Variants in ERC2 observed in about 807,000 individuals in gnomAD.
The protein encoded by ERC2 is ERC protein 2.
Under a neutral mutation model 114.8 loss-of-function variants are expected in ERC2, and 42 were observed. The ratio of observed to expected loss-of-function variants is 0.37; its 90% confidence interval spans 0.29 to 0.47. The LOEUF (loss-of-function observed/expected upper bound fraction) is 0.47. Ranked by LOEUF, ERC2 falls within the 20% of genes least tolerant of loss-of-function variation. The pLI is 0.99. For missense variants in ERC2, 939 were observed against 1,150.7 expected (o/e 0.82, Z 2.66); for synonymous variants, 454 against 425.5 (o/e 1.07, Z -0.82).
intron 17 of ERC2, among the ~76,000 whole-genome samples, chr3:55,538,611 GA>G (rs2054159217): frequency 6.6e-6 from 1 of 152,164 alleles, no homozygotes; most frequent in African/African-American, 2.4e-5. Flanking sequence ...AACCACCATG[GA>G]AAAGGGCATT....
At chr3:56,168,563 T>C (rs2082444493) in intron 4 of ERC2, among the ~76,000 whole-genome samples, 1 of 152,194 alleles carries the variant, frequency 6.6e-6, no homozygotes, top group Admixed American at 6.5e-5. Flanking sequence ...ATAATGGGTA[T>C]TGGGTTGTGC....
chr3:55,649,477 G>GT (rs1470724783), intron 17 of ERC2, among the ~76,000 whole-genome samples: 1 of 152,082 alleles, frequency 6.6e-6, no homozygotes, highest in Non-Finnish European at 1.5e-5. Context: ...GGACAGGCTG[G>GT]TTTCAAACTC....
At chr3:56,121,598 A>G (rs918958787) in intron 6 of ERC2, among the ~76,000 whole-genome samples, 6 of 152,192 alleles carry the variant, frequency 3.9e-5, no homozygotes, top group Non-Finnish European at 7.3e-5. Context: ...GTGCAGTTAA[A>G]TATTTTTTCT....
At chr3:55,783,716 A>T (rs1220049222) in intron 14 of ERC2, among the ~76,000 whole-genome samples, 1 of 152,196 alleles carries the variant, frequency 6.6e-6, no homozygotes, top group East Asian at 1.9e-4. Flanking sequence ...TAGAAAAAAA[A>T]ATAGTCAACT....
chr3:55,889,247 T>A (rs888159733), intron 13 of ERC2, among the ~76,000 whole-genome samples: 1 of 152,166 alleles, frequency 6.6e-6, no homozygotes, highest in Non-Finnish European at 1.5e-5. Flanking sequence ...ATCAAAGCCG[T>A]GTTTGGTAAA....
chr3:55,694,765 C>T (rs2062842908), intron 16 of ERC2, among the ~76,000 whole-genome samples: 1 of 152,184 alleles, frequency 6.6e-6, no homozygotes, highest in African/African-American at 2.4e-5. Context: ...CATAGAAGTA[C>T]ATTTTGCACA....
chr3:55,728,876 C>T (rs2065079902), intron 15 of ERC2, among the ~76,000 whole-genome samples: 1 of 152,182 alleles, frequency 6.6e-6, no homozygotes, highest in African/African-American at 2.4e-5. Flanking sequence ...TCCCACACTA[C>T]TTAAAAATCT....
chr3:56,187,131 CTTGAG>C (rs2083674102), intron 3 of ERC2, among the ~76,000 whole-genome samples: 1 of 152,130 alleles, frequency 6.6e-6, no homozygotes, highest in African/African-American at 2.4e-5. Context: ...GTCTGTTCCC[CTTGAG>C]GCAAGGGGGC....
At chr3:55,853,796 G>A (rs1036971861) in intron 14 of ERC2, among the ~76,000 whole-genome samples, 2 of 152,192 alleles carry the variant, frequency 1.3e-5, no homozygotes, top group Non-Finnish European at 2.9e-5. Context: ...TGAGTGCAGA[G>A]TTTCAGTTTG....
At chr3:56,147,355 A>T (rs1301029198) in intron 5 of ERC2, among the ~76,000 whole-genome samples, 1 of 152,202 alleles carries the variant, frequency 6.6e-6, no homozygotes, top group Non-Finnish European at 1.5e-5. Context: ...CAGTCCCCTC[A>T]TATCTCCACT....
chr3:55,918,916 T>C (rs1482161632), intron 13 of ERC2, among the ~76,000 whole-genome samples: 1 of 151,770 alleles, frequency 6.6e-6, no homozygotes, highest in African/African-American at 2.4e-5. Flanking sequence ...TATGCAGCAA[T>C]AGATTCCTGA....
At chr3:55,684,550 G>A (rs2062229466) in intron 16 of ERC2, among the ~76,000 whole-genome samples, 1 of 152,154 alleles carries the variant, frequency 6.6e-6, no homozygotes, top group African/African-American at 2.4e-5. Flanking sequence ...AGAAAAGAGA[G>A]GTAAACTTTC....
rs750337678 is a variant in ERC2 at position 55,510,995 on chromosome 3, A to C, written c.*321T>G. 6.6e-6 allele frequency: 1 copy of C among 152,414 alleles called. No individual in the cohort carries two copies. Among genetic ancestry groups the C allele is most frequent in the South Asian group, 2.1e-4 (1 of 4,832 alleles). The allele number at this position is 152,414 out of a possible 1,614,324, so 9.4% of individuals were successfully genotyped here. A position where few individuals can be genotyped will look rare whatever the true frequency, so the allele number is the denominator to read the frequency against. Reference sequence around the variant, plus strand: ...AATGACATTCAGCAAAGATGATCACATTCAAAATGCCCGCATCCCAACAAA... The same window carrying C: ...AATGACATTCAGCAAAGATGATCACCTTCAAAATGCCCGCATCCCAACAAA... On this transcript the variant is annotated 3_prime_UTR_variant, in exon 18 of 18. Coordinates refer to ENST00000288221, the MANE Select transcript of ERC2 (RefSeq NM_015576.3).
At chr3:55,870,558 C>T (rs1213692453) in intron 14 of ERC2, among the ~76,000 whole-genome samples, 1 of 152,140 alleles carries the variant, frequency 6.6e-6, no homozygotes, top group Non-Finnish European at 1.5e-5. Flanking sequence ...ACACACTTGG[C>T]CAAGGTCACA....
Position 55,974,782 on chromosome 3 carries a change from C to T in ERC2, c.2267+11195G>A, listed in dbSNP as rs372862696. Among the ~76,000 whole-genome samples the T allele has an allele frequency of 2.6e-5, 4 of 152,248 alleles. No individual in the cohort carries two copies. In the East Asian group the frequency reaches 5.8e-4, roughly 22 times the overall value. On this transcript the variant is annotated intron_variant, in intron 12 of 17. Transcript: ENST00000288221. ...CTTCAAAAACAGGAATTTCACATTCCGGCTCAAGAGAGGGCAAAGACTCGG... is the reference window on the plus strand; with the variant it reads ...CTTCAAAAACAGGAATTTCACATTCTGGCTCAAGAGAGGGCAAAGACTCGG...
intron 6 of ERC2, among the ~76,000 whole-genome samples, chr3:56,112,438 C>G (rs965562729): frequency 0.1 from 6,252 of 62,374 alleles, 275 homozygotes; most frequent in East Asian, 0.42. Context: ...GACAGACACA[C>G]ACACACACAC....
At position 56,447,300 on chromosome 3, in the gene ERC2, G is replaced by T. The variant is rs569541186; in HGVS notation, c.-140-12153C>A. Among the ~76,000 whole-genome samples the T allele has an allele frequency of 2.6e-5, 4 of 152,344 alleles. No individual in the cohort carries two copies. The South Asian group carries it at 8.3e-4, about 32-fold the overall frequency. On this transcript the variant is annotated intron_variant, in intron 1 of 17. Coordinates refer to ENST00000288221, the MANE Select transcript of ERC2 (RefSeq NM_015576.3). ...ACAGCCTCAACAGCGACACCTTGTG[G>T]CATCAAGATGTAATCATGTGATGGG...
intron 13 of ERC2, among the ~76,000 whole-genome samples, chr3:55,909,619 A>C (rs1398988819): frequency 1.3e-5 from 2 of 152,216 alleles, no homozygotes; most frequent in East Asian, 3.9e-4. Flanking sequence ...AGGTTCAGGC[A>C]GCCATGGGAG....
chr3:56,231,633 A>T (rs2050624127), intron 3 of ERC2, among the ~76,000 whole-genome samples: 1 of 152,192 alleles, frequency 6.6e-6, no homozygotes, highest in African/African-American at 2.4e-5. Context: ...AATTATACAG[A>T]GGTTAGAGTT....
Sources: allele counts gnomAD v4.1 joint callset (sites outside exome capture counted in the v4.1 genomes callset), GRCh38; gene constraint gnomAD v4.1.1; transcripts MANE v1.5; gene names NCBI Gene and HGNC (gene_info 2026-07-23, HGNC 2026-07-21).